CCDC172: variants seen among roughly 807,000 people sequenced by gnomAD.
CCDC172 encodes the protein coiled-coil domain containing 172.
In CCDC172, 30 loss-of-function variants were observed where a neutral mutation model predicts 38.0. The observed-to-expected ratio is 0.79, with a 90% CI of 0.59 to 1.07. CCDC172 has a LOEUF of 1.07. Ranked by LOEUF, CCDC172 falls within the 50% of genes least tolerant of loss-of-function variation. CCDC172 has a pLI of 0.00. For synonymous variants in CCDC172, 78 were observed against 88.3 expected (o/e 0.88, Z 0.66); for missense variants, 297 against 290.1 (o/e 1.02, Z -0.17).
chr10:116,331,313 A>G (rs1844659922), intron 3 of CCDC172, among the ~76,000 whole-genome samples: 1 of 152,178 alleles, frequency 6.6e-6, no homozygotes, highest in Non-Finnish European at 1.5e-5. Flanking sequence ...AAAAGACCCA[A>G]AAATTTGAGG....
intron 3 of CCDC172, among the ~76,000 whole-genome samples, chr10:116,337,912 A>G (rs923649114): frequency 6.6e-6 from 1 of 152,014 alleles, no homozygotes; most frequent in African/African-American, 2.4e-5. Context: ...ATGCAGGAAC[A>G]TAAAAAATAA....
At chr10:116,325,155 A>G in intron 2 of CCDC172, 65 bp downstream of exon 2, 1 of 1,564,366 alleles carries the variant, frequency 6.4e-7, no homozygotes, top group Non-Finnish European at 8.8e-7. Flanking sequence ...TTGGAGCAGA[A>G]GGAAATCCCG....
At chr10:116,343,531 T>A (rs57449790) in intron 5 of CCDC172, among the ~76,000 whole-genome samples, 324 of 104,590 alleles carry the variant, frequency 3.1e-3, no homozygotes, top group Middle Eastern at 9.1e-3. Flanking sequence ...TTTTTTTTTT[T>A]TAAAAAAATA....
chr10:116,332,360 T>C lies in CCDC172; in HGVS notation c.165+6972T>C, dbSNP rs191776711. 3.1e-3 allele frequency among the ~76,000 whole-genome samples: 470 copies of C among 152,316 alleles called. 2 individuals are homozygous for C. Among genetic ancestry groups the C allele is most frequent in the African/African-American group, 0.011 (440 of 41,590 alleles). ...CCATATTAACCATAATTCTGCACTA[T>C]AAAACTCTTCAATGCCTCACGTTGT... On this transcript the variant is annotated intron_variant, in intron 3 of 8. Coordinates refer to ENST00000333254, the MANE Select transcript of CCDC172 (RefSeq NM_198515.3).
At chr10:116,338,551 C>T (rs1193825537) in intron 3 of CCDC172, among the ~76,000 whole-genome samples, 1 of 151,966 alleles carries the variant, frequency 6.6e-6, no homozygotes, top group Non-Finnish European at 1.5e-5. Flanking sequence ...ATCTTTAGAA[C>T]AGCTGTCTAC....
chr10:116,325,196 T>G, intron 2 of CCDC172, 106 bp downstream of exon 2: 2 of 1,460,018 alleles, frequency 1.4e-6, no homozygotes, highest in Non-Finnish European at 1.9e-6. Flanking sequence ...TAGGGGAGCT[T>G]GCATGCCATG....
At chr10:116,356,961 G>A (rs2134949004) in intron 5 of CCDC172, among the ~76,000 whole-genome samples, 1 of 152,148 alleles carries the variant, frequency 6.6e-6, no homozygotes, top group South Asian at 2.1e-4. Context: ...GTTGGCCAGG[G>A]GAAGCTAGTT....
intron 5 of CCDC172, among the ~76,000 whole-genome samples, chr10:116,349,189 C>A (rs902105708): frequency 6.6e-6 from 1 of 152,194 alleles, no homozygotes; most frequent in African/African-American, 2.4e-5. Flanking sequence ...TGCAGGAAAA[C>A]AAGCTCAGGG....
chr10:116,358,377 G>C (rs1439371374), intron 7 of CCDC172, among the ~76,000 whole-genome samples: 2 of 151,998 alleles, frequency 1.3e-5, no homozygotes, highest in Non-Finnish European at 2.9e-5. Flanking sequence ...TTTCTGTATG[G>C]ATTATTTAGA....
chr10:116,364,005 G>A (rs1337988204), intron 7 of CCDC172, among the ~76,000 whole-genome samples: 2 of 151,424 alleles, frequency 1.3e-5, no homozygotes, highest in East Asian at 3.9e-4. Flanking sequence ...AGATTAAATG[G>A]TAAACTGGAA....
chr10:116,338,243 A>G (rs1334791681), intron 3 of CCDC172, among the ~76,000 whole-genome samples: 4 of 152,082 alleles, frequency 2.6e-5, no homozygotes, highest in Non-Finnish European at 5.9e-5. Context: ...CCGTCATTCT[A>G]CTTCTCATAC....
chr10:116,344,144 C>G (rs1297907783), intron 5 of CCDC172, among the ~76,000 whole-genome samples: 1 of 151,850 alleles, frequency 6.6e-6, no homozygotes, highest in Admixed American at 6.6e-5. Flanking sequence ...AAGAGGGGAA[C>G]AAAAACACAG....
Position 116,371,817 on chromosome 10 carries a change from A to G in CCDC172, c.654-6606A>G, listed in dbSNP as rs150424811. Among the ~76,000 whole-genome samples the G allele has an allele frequency of 4.4e-3, 663 of 152,250 alleles. 4 individuals carry two copies. Among genetic ancestry groups the G allele is most frequent in the African/African-American group, 0.015 (639 of 41,562 alleles). ...GAAAAGCACTGGAAAGACAAAAAGA[A>G]CATCATTAAATCAAAACACTGCAAC... On this transcript the variant is annotated intron_variant, in intron 7 of 8. Transcript: ENST00000333254.
intron 3 of CCDC172, among the ~76,000 whole-genome samples, chr10:116,338,312 T>C (rs1016628235): frequency 6.6e-5 from 10 of 152,116 alleles, no homozygotes; most frequent in Non-Finnish European, 1.3e-4. Flanking sequence ...ATTTGAAGAT[T>C]AATGTACCGT....
chr10:116,340,661 T>C, intron 3 of CCDC172, 73 bp from the exon 4 acceptor site: 1 of 724,468 alleles, frequency 1.4e-6, no homozygotes, highest in Non-Finnish European at 2.4e-6. Context: ...AGACAAATCT[T>C]CTCTGTTACC....
chr10:116,324,908 G>T, intron 1 of CCDC172, 39 bp from the exon 2 acceptor site: 1 of 925,800 alleles, frequency 1.1e-6, no homozygotes, highest in South Asian at 1.4e-5. Context: ...ATCTGGGAAT[G>T]GTTCTAGAAG....
intron 7 of CCDC172, among the ~76,000 whole-genome samples, chr10:116,367,861 T>G (rs1845142766): frequency 6.6e-6 from 1 of 152,054 alleles, no homozygotes. Flanking sequence ...TTCTTATATC[T>G]AGGAACCAAT....
At chr10:116,336,131 C>T (rs888966933) in intron 3 of CCDC172, among the ~76,000 whole-genome samples, 6 of 151,756 alleles carry the variant, frequency 4.0e-5, no homozygotes, top group Admixed American at 1.3e-4. Flanking sequence ...CATGCCACTG[C>T]ACTTCAGCCT....
chr10:116,364,901 G>A (rs1017462184), intron 7 of CCDC172, among the ~76,000 whole-genome samples: 7 of 152,106 alleles, frequency 4.6e-5, no homozygotes, highest in African/African-American at 1.4e-4. Context: ...ATGTCTCTGA[G>A]AGGTAACTGA....
Sources: allele counts gnomAD v4.1 joint callset (sites outside exome capture counted in the v4.1 genomes callset), GRCh38; gene constraint gnomAD v4.1.1; transcripts MANE v1.5; gene names NCBI Gene and HGNC (gene_info 2026-07-23, HGNC 2026-07-21).